The following IL11RA variants were observed in gnomAD, a reference collection of about 807,000 sequenced individuals.
IL11RA encodes interleukin 11 receptor subunit alpha.
A neutral mutation model predicts 57.0 loss-of-function variants in IL11RA; 51 were observed. That is an observed-to-expected ratio of 0.89 (90% confidence interval 0.71 to 1.13). IL11RA has a LOEUF of 1.13. Among genes scored for constraint, IL11RA ranks in the 50% most tolerant of loss-of-function variants. The pLI is 0.00. For missense variants in IL11RA, 498 were observed against 539.4 expected, an observed-to-expected ratio of 0.92 and a Z score of 0.76; for synonymous variants, 199 against 217.5, an observed-to-expected ratio of 0.91 and a Z score of 0.75.
chr9:34,660,043 C>T, intron 9 of IL11RA, 143 bp downstream of exon 9: 1 of 1,250,618 alleles, frequency 8.0e-7, no homozygotes. Flanking sequence ...GACTTGTTTG[C>T]CTACAGCCCT....
rs1248083172 is a variant in IL11RA at position 34,658,008 on chromosome 9, C to T, written c.646+421C>T. ...TCAAGAAGCACTTCAAAAGTCCACC[C>T]GCAGATCTCAGGTGGTTTCTTTTTT... On this transcript the variant is annotated intron_variant, in intron 7 of 12. Coordinates refer to ENST00000441545, the MANE Select transcript of IL11RA (RefSeq NM_001142784.3). This position sits in a 1 kb window ranked among gnomAD's most constrained non-coding sequence, Gnocchi z 4.0. Among the ~76,000 whole-genome samples the T allele has an allele frequency of 6.6e-6, 1 of 152,154 alleles. No individual in the cohort carries two copies. Among genetic ancestry groups the T allele is most frequent in the African/African-American group, 2.4e-5 (1 of 41,432 alleles).
intron 3 of IL11RA, chr9:34,656,011 C>T (rs539225231): frequency 6.0e-5 from 21 of 350,918 alleles, no homozygotes; most frequent in African/African-American, 1.9e-4. Context: ...TGAGGGATGT[C>T]GAAGAGGACA....
chr9:34,660,501 C>T lies in IL11RA; in HGVS notation c.1073-3C>T, dbSNP rs767499572. ...CTCAGTGACATGTGGCCCTCCCCCT[C>T]AGATCACAGGGACTCTGTGGAGCAG... On this transcript the variant is annotated splice_region_variant and splice_polypyrimidine_tract_variant and intron_variant, in intron 10 of 12. Coordinates refer to ENST00000441545, the MANE Select transcript of IL11RA (RefSeq NM_001142784.3). 1.3e-5 allele frequency: 21 copies of T among 1,614,046 alleles called. No individual in the cohort carries two copies. Among genetic ancestry groups the T allele is most frequent in the Non-Finnish European group, 1.8e-5 (21 of 1,179,980 alleles).
intron 1 of IL11RA, among the ~76,000 whole-genome samples, chr9:34,652,709 C>T (rs571691833): frequency 6.6e-6 from 1 of 152,078 alleles, no homozygotes; most frequent in African/African-American, 2.4e-5. Flanking sequence ...TAACTTAAAC[C>T]GTGTGGGAGT....
rs1821387065 is a variant in IL11RA at position 34,658,393 on chromosome 9, G to A, written c.647-127G>A. 2.0e-6 allele frequency: 2 copies of A among 979,582 alleles called. No individual in the cohort carries two copies. Among genetic ancestry groups the A allele is most frequent in the Non-Finnish European group, 3.2e-6 (2 of 616,762 alleles). 60.7% of individuals were successfully genotyped at this position (979,582 alleles called of 1,614,324 possible). A position where few individuals can be genotyped will look rare whatever the true frequency, so the allele number is the denominator to read the frequency against. ...CGGTCTGAGTCTAATGGATGATCAA[G>A]TTTAAGATTTCCCCTCCCCTCTCAG... On this transcript the variant is annotated intron_variant, in intron 7 of 12. Transcript: ENST00000441545. The surrounding 1 kb of genome is among the most constrained non-coding windows in gnomAD (Gnocchi z 4.0).
intron 3 of IL11RA, among the ~76,000 whole-genome samples, chr9:34,656,098 C>A (rs1053442897): frequency 1.3e-5 from 2 of 149,278 alleles, no homozygotes; most frequent in African/African-American, 4.9e-5. Flanking sequence ...GTGGTGCAAT[C>A]TGGGCTCACT....
At chr9:34,661,177 C>T (rs1195087919) in intron 12 of IL11RA, among the ~76,000 whole-genome samples, 1 of 138,308 alleles carries the variant, frequency 7.2e-6, no homozygotes, top group Admixed American at 7.2e-5. Flanking sequence ...GACTTCCCTT[C>T]AGGGTATTAG....
chr9:34,659,587 G>A (rs1359673673), intron 8 of IL11RA, among the ~76,000 whole-genome samples, 172 bp from the exon 9 acceptor site: 3 of 152,134 alleles, frequency 2.0e-5, no homozygotes, highest in Admixed American at 6.5e-5. Context: ...CACTACTGCC[G>A]TCTTACAAAC....
At position 34,661,885 on chromosome 9, in the gene IL11RA, G is replaced by A; in HGVS notation, c.*387G>A. On this transcript the variant is annotated 3_prime_UTR_variant, in exon 13 of 13. Transcript: ENST00000441545. ...GAATAAAGAGAATAAGGAAGTTCTT[G>A]GAGATTATACTCAGAAATTATTATC... 1 of 1,587,472 alleles carries A rather than the reference G, an allele frequency of 6.3e-7. No homozygotes were observed. The highest frequency in any genetic ancestry group is 8.6e-7 in the Non-Finnish European group (1 of 1,158,788).
rs1821393030 is a variant in IL11RA, at chr9:34,658,599, C to A, written c.726C>A (p.Tyr242Ter). The change falls in exon 8 of 13, where the codon TAC becomes TAA. Residue 242 changes from tyrosine to a stop codon, truncating the protein, a stop_gained. Coordinates refer to ENST00000441545, the MANE Select transcript of IL11RA (RefSeq NM_001142784.3). LOFTEE classifies it high-confidence loss of function. This position sits in a 1 kb window ranked among gnomAD's most constrained non-coding sequence, Gnocchi z 4.0. Reference protein sequence around the residue: ...YPRRLRASWTYPASWPCQPHF... With the variant: ...YPRRLRASWT ...GACGCCTGCGAGCCAGCTGGACATACCCTGCCTCCTGGCCGTGCCAGCCCC... is the reference window on the plus strand; with the variant it reads ...GACGCCTGCGAGCCAGCTGGACATAACCTGCCTCCTGGCCGTGCCAGCCCC... 2 of 1,614,164 alleles carry A rather than the reference C, an allele frequency of 1.2e-6. No homozygotes were observed. The highest frequency in any genetic ancestry group is 1.7e-6 in the Non-Finnish European group (2 of 1,180,034).
In IL11RA at chr9:34,653,395, G is replaced by C. The variant is rs1254919780; in HGVS notation, c.-1+1162G>C. On this transcript the variant is annotated intron_variant, in intron 1 of 12. Transcript: ENST00000441545. This position sits in a 1 kb window ranked among gnomAD's most constrained non-coding sequence, Gnocchi z 4.5. ...TCCTGGTGCTGGGGCCCAAAGAATG[G>C]AGGGGGAGGTGAGAAATGGCTGGAA... Among the ~76,000 whole-genome samples the C allele has an allele frequency of 6.6e-6, 1 of 152,176 alleles. No individual in the cohort carries two copies. The highest frequency in any genetic ancestry group is 2.4e-5 in the African/African-American group (1 of 41,434).
At chr9:34,655,170 C>T in intron 1 of IL11RA, 48 bp from the exon 2 acceptor site, 1 of 1,311,886 alleles carries the variant, frequency 7.6e-7, no homozygotes, top group Non-Finnish European at 1.1e-6. Context: ...CAGGCTTTAG[C>T]CTCCCATCTC....
intron 3 of IL11RA, among the ~76,000 whole-genome samples, chr9:34,656,180 C>T (rs1025099086): frequency 3.3e-5 from 5 of 151,956 alleles, no homozygotes; most frequent in African/African-American, 7.3e-5. Flanking sequence ...TACAGGTATG[C>T]GCCACCAGGC....
rs116170328 is a variant in IL11RA at position 34,652,711 on chromosome 9, T to C, written c.-1+478T>C. Among the ~76,000 whole-genome samples, 715 of 152,166 alleles carry C rather than the reference T, an allele frequency of 4.7e-3. 4 individuals are homozygous for C. The highest frequency in any genetic ancestry group is 0.016 in the African/African-American group (669 of 41,486). On this transcript the variant is annotated intron_variant, in intron 1 of 12. Coordinates refer to ENST00000441545, the MANE Select transcript of IL11RA (RefSeq NM_001142784.3). ...GTGTCCTGGGTCCTAACTTAAACCGTGTGGGAGTACAGCTGTATTCATGTA... is the reference window on the plus strand; with the variant it reads ...GTGTCCTGGGTCCTAACTTAAACCGCGTGGGAGTACAGCTGTATTCATGTA...
rs746421081 is a variant in IL11RA at position 34,657,555 on chromosome 9, C to T, written c.614C>T (p.Thr205Ile). The stretch of plus-strand genomic sequence containing the variant: ...GAGGTGAACCCACTGGGTGCCAGCA[C>T]ACGCCTGCTGGATGTGAGCTTGCAG... ...VTEVNPLGAS[T>I]RLLDVSLQSI... is the part of the protein sequence containing the mutation. Residue 205 changes from threonine (T) to isoleucine (I), a missense_variant, in exon 7 of 13, where the codon ACA becomes ATA. Transcript: ENST00000441545. 1.4e-5 allele frequency: 22 copies of T among 1,614,062 alleles called. No individual in the cohort carries two copies. Among genetic ancestry groups the T allele is most frequent in the Non-Finnish European group, 1.8e-5 (21 of 1,180,018 alleles).
In IL11RA at chr9:34,661,721, G is replaced by A. The variant is rs1821461092; in HGVS notation, c.*223G>A. On this transcript the variant is annotated 3_prime_UTR_variant, in exon 13 of 13. Transcript: ENST00000441545. ...TCTGCTCAAGGAACGTGTGTAATGT[G>A]TACATCTGTGTCCATGTGTGACCAT... 2 of 701,412 alleles carry A rather than the reference G, an allele frequency of 2.9e-6. No individual in the cohort carries two copies. The highest frequency in any genetic ancestry group is 5.0e-6 in the Non-Finnish European group (2 of 400,960). The allele number at this position is 701,412 out of a possible 1,614,324, so 43.4% of individuals were successfully genotyped here.
In IL11RA at chr9:34,660,524, C is replaced by T. The variant is rs1344769959; in HGVS notation, c.1093C>T (p.Gln365Ter). ...RLLDHRDSVE[Q>*]VAVLASLGIL... ...CTCAGATCACAGGGACTCTGTGGAG[C>T]AGGTAGCTGTGCTGGCGTCTTTGGG... is the stretch of plus-strand genomic sequence containing the variant. The change falls in exon 11 of 13, where the codon CAG becomes TAG. Residue 365 changes from glutamine to a stop codon, truncating the protein, a stop_gained. Transcript: ENST00000441545. LOFTEE classifies it high-confidence loss of function. 3.7e-6 allele frequency: 6 copies of T among 1,614,124 alleles called. No individual in the cohort carries two copies. Among genetic ancestry groups the T allele is most frequent in the Non-Finnish European group, 5.1e-6 (6 of 1,179,956 alleles).
chr9:34,660,688 T>G (rs1821439599), intron 11 of IL11RA, 88 bp downstream of exon 11: 7 of 1,282,116 alleles, frequency 5.5e-6, no homozygotes, highest in Non-Finnish European at 6.8e-6. Context: ...CCTTCATGAC[T>G]GCCCGCTGAA....
In IL11RA at chr9:34,660,150, A is replaced by G. The variant is rs888666045; in HGVS notation, c.953-124A>G. The G allele has an allele frequency of 2.1e-6, 3 of 1,437,228 alleles. No homozygotes were observed. In the Admixed American group the frequency reaches 5.0e-5, roughly 24 times the overall value. The allele number at this position is 1,437,228 out of a possible 1,614,324, so 89.0% of individuals were successfully genotyped here. On this transcript the variant is annotated intron_variant, in intron 9 of 12. Coordinates refer to ENST00000441545, the MANE Select transcript of IL11RA (RefSeq NM_001142784.3). The stretch of plus-strand genomic sequence containing the variant: ...TTGCCATGCTCCCTAGGAGCTGGCC[A>G]TGCCCTATCAGGCTCCTCCTCCTAG...
Sources: allele counts gnomAD v4.1 joint callset (sites outside exome capture counted in the v4.1 genomes callset), GRCh38; gene constraint gnomAD v4.1.1; non-coding constraint Gnocchi (gnomAD v3.1); transcripts MANE v1.5; gene names NCBI Gene and HGNC (gene_info 2026-07-23, HGNC 2026-07-21).